C9orf153: variants seen among roughly 807,000 people sequenced by gnomAD.
C9orf153 encodes the protein uncharacterized protein C9orf153.
A neutral mutation model predicts 9.0 loss-of-function variants in C9orf153; 10 were observed. The ratio of observed to expected loss-of-function variants is 1.11; its 90% CI spans 0.69 to 1.89. C9orf153 has a LOEUF of 1.89. C9orf153 is among the 40% of genes most tolerant of loss of function. The probability of loss-of-function intolerance (pLI) is 0.00; values close to 1 mark genes in which losing one functional copy is unlikely to be tolerated. For synonymous variants in C9orf153, 35 were observed against 37.3 expected (o/e 0.94, Z 0.23); for missense variants, 108 against 111.0 (o/e 0.97, Z 0.12).
chr9:86,238,436 T>G (rs1396409999), intron 1 of C9orf153, among the ~76,000 whole-genome samples: 1 of 152,220 alleles, frequency 6.6e-6, no homozygotes. Flanking sequence ...ACAACGTCTG[T>G]TCTCATACTA....
intron 1 of C9orf153, among the ~76,000 whole-genome samples, chr9:86,253,257 T>C (rs2131207500): frequency 6.6e-6 from 1 of 152,334 alleles, no homozygotes; most frequent in African/African-American, 2.4e-5. Flanking sequence ...GGAATCATGG[T>C]TGACTTTATG....
chr9:86,227,013 G>A (rs992564114), intron 3 of C9orf153, among the ~76,000 whole-genome samples: 5 of 152,128 alleles, frequency 3.3e-5, no homozygotes, highest in African/African-American at 4.8e-5. Context: ...TGATCTGCCC[G>A]CCTCGGTCTC....
chr9:86,256,966 C>T (rs1825134151), intron 1 of C9orf153, among the ~76,000 whole-genome samples: 2 of 151,998 alleles, frequency 1.3e-5, no homozygotes, highest in South Asian at 4.1e-4. Flanking sequence ...CAAGACCAGC[C>T]TGGGCAACAC....
At chr9:86,257,727 T>C (rs1825153706) in intron 1 of C9orf153, among the ~76,000 whole-genome samples, 1 of 152,222 alleles carries the variant, frequency 6.6e-6, no homozygotes, top group Non-Finnish European at 1.5e-5. Context: ...AATTTACTAC[T>C]GCTGATATAA....
Position 86,220,756 on chromosome 9 carries a change from C to T in C9orf153, c.*932G>A, listed in dbSNP as rs964123824. The T allele has an allele frequency of 6.6e-6, 1 of 152,004 alleles. No individual in the cohort carries two copies. Among genetic ancestry groups the T allele is most frequent in the Non-Finnish European group, 1.5e-5 (1 of 68,006 alleles). The allele number at this position is 152,004 out of a possible 1,614,324, so 9.4% of individuals were successfully genotyped here. A position where few individuals can be genotyped will look rare whatever the true frequency, so the allele number is the denominator to read the frequency against. On this transcript the variant is annotated 3_prime_UTR_variant, in exon 4 of 4. Coordinates refer to ENST00000339137, the MANE Select transcript of C9orf153 (RefSeq NM_001276366.4). ...CATGTGTTTCTTGAGATTTTTCTGTCATTTTATTTTCACATATCACTTAAT... is the reference window on the plus strand; with the variant it reads ...CATGTGTTTCTTGAGATTTTTCTGTTATTTTATTTTCACATATCACTTAAT...
chr9:86,240,986 C>T (rs985921933), intron 1 of C9orf153, among the ~76,000 whole-genome samples: 4 of 152,182 alleles, frequency 2.6e-5, no homozygotes, highest in Admixed American at 1.3e-4. Flanking sequence ...GGATCACAGG[C>T]GTGAGCCACT....
chr9:86,227,214 A>G, intron 3 of C9orf153: 2 of 1,081,830 alleles, frequency 1.8e-6, no homozygotes, highest in East Asian at 3.3e-5. Context: ...TGGTGTGATC[A>G]TAGTTCACTG....
intron 3 of C9orf153, among the ~76,000 whole-genome samples, chr9:86,223,160 G>A (rs1824243902): frequency 6.6e-6 from 1 of 152,124 alleles, no homozygotes; most frequent in Non-Finnish European, 1.5e-5. Flanking sequence ...AGGAAGGAAG[G>A]GGATCTTTAA....
At chr9:86,237,176 A>T (rs1403412885) in intron 1 of C9orf153, among the ~76,000 whole-genome samples, 1 of 152,160 alleles carries the variant, frequency 6.6e-6, no homozygotes, top group East Asian at 1.9e-4. Context: ...AAGTAAAAAA[A>T]ATATATAATT....
intron 1 of C9orf153, among the ~76,000 whole-genome samples, chr9:86,257,978 G>A (rs1421624301): frequency 6.6e-6 from 1 of 152,210 alleles, no homozygotes; most frequent in Non-Finnish European, 1.5e-5. Flanking sequence ...ATTAGATGCG[G>A]AGGCCAGATT....
chr9:86,240,333 C>A (rs1369932232), intron 1 of C9orf153, among the ~76,000 whole-genome samples: 1 of 151,816 alleles, frequency 6.6e-6, no homozygotes, highest in Non-Finnish European at 1.5e-5. Flanking sequence ...TATGATCTTG[C>A]CGCACATGCA....
At chr9:86,235,143 T>C (rs1461722556) in intron 1 of C9orf153, among the ~76,000 whole-genome samples, 2 of 151,592 alleles carry the variant, frequency 1.3e-5, no homozygotes, top group African/African-American at 4.9e-5. Context: ...AAAAACAGAG[T>C]TTGAAGAGAC....
intron 1 of C9orf153, among the ~76,000 whole-genome samples, chr9:86,255,040 G>C (rs1825084457): frequency 1.0e-5 from 1 of 97,802 alleles, no homozygotes; most frequent in Non-Finnish European, 1.9e-5. Context: ...ACTCCAGCCT[G>C]AAAGACAGTG....
chr9:86,234,006 C>G (rs1028785300), intron 1 of C9orf153, among the ~76,000 whole-genome samples: 1 of 151,980 alleles, frequency 6.6e-6, no homozygotes, highest in Non-Finnish European at 1.5e-5. Context: ...TCGCTTGAAC[C>G]CGGGAGGTGG....
intron 1 of C9orf153, among the ~76,000 whole-genome samples, chr9:86,239,076 A>G (rs148438586): frequency 2.1e-4 from 32 of 152,206 alleles, no homozygotes; most frequent in African/African-American, 7.2e-4. Context: ...CCTGGCCAAC[A>G]TGGTGAAACC....
intron 1 of C9orf153, among the ~76,000 whole-genome samples, chr9:86,253,618 G>T (rs1825041637): frequency 6.6e-6 from 1 of 152,136 alleles, no homozygotes; most frequent in African/African-American, 2.4e-5. Flanking sequence ...AAAGACATGG[G>T]ATCCTGCTCT....
intron 1 of C9orf153, among the ~76,000 whole-genome samples, chr9:86,250,443 A>C (rs942968753): frequency 5.9e-5 from 9 of 152,170 alleles, no homozygotes; most frequent in African/African-American, 2.2e-4. Flanking sequence ...AGCATGTCAA[A>C]GGGCCATATT....
chr9:86,249,940 T>C (rs891335589), intron 1 of C9orf153, among the ~76,000 whole-genome samples: 1 of 152,038 alleles, frequency 6.6e-6, no homozygotes, highest in African/African-American at 2.4e-5. Context: ...CTAGAGTACA[T>C]AGGGGGAAAA....
intron 1 of C9orf153, among the ~76,000 whole-genome samples, chr9:86,233,806 C>T (rs187290388): frequency 8.1e-4 from 123 of 152,272 alleles, no homozygotes; most frequent in African/African-American, 2.7e-3. Flanking sequence ...ATATTTCGGC[C>T]GGGCGCGGTG....
Sources: allele counts gnomAD v4.1 joint callset (sites outside exome capture counted in the v4.1 genomes callset), GRCh38; gene constraint gnomAD v4.1.1; transcripts MANE v1.5; gene names NCBI Gene and HGNC (gene_info 2026-07-23, HGNC 2026-07-21).